CACNA1D: variants seen among roughly 807,000 people sequenced by gnomAD.
The protein encoded by CACNA1D is calcium voltage-gated channel subunit alpha1 D.
Under a neutral mutation model 257.1 loss-of-function variants are expected in CACNA1D, and 55 were observed. That is an observed-to-expected ratio of 0.21 (90% CI 0.17 to 0.27). The LOEUF is 0.27. Among genes scored for constraint, CACNA1D ranks in the 10% least tolerant of loss-of-function variants. The probability of loss-of-function intolerance (pLI) is 1.00; values close to 1 mark genes in which losing one functional copy is unlikely to be tolerated. For missense variants in CACNA1D, 1,876 were observed against 2,784.0 expected, an observed-to-expected ratio of 0.67 and a Z score of 7.34; for synonymous variants, 980 against 1,014.9, an observed-to-expected ratio of 0.97 and a Z score of 0.65.
At chr3:53,621,371 C>A (rs1237128592) in intron 3 of CACNA1D, among the ~76,000 whole-genome samples, 1 of 148,592 alleles carries the variant, frequency 6.7e-6, no homozygotes, top group African/African-American at 2.4e-5. Flanking sequence ...GTGTCCAGAG[C>A]CAGCCCTGGC....
chr3:53,715,010 G>T (rs1395698059), intron 9 of CACNA1D, among the ~76,000 whole-genome samples: 1 of 152,122 alleles, frequency 6.6e-6, no homozygotes, highest in Non-Finnish European at 1.5e-5. Context: ...TACCCACTGA[G>T]CCTGATCTTT....
At chr3:53,565,968 A>G (rs2092827436) in intron 3 of CACNA1D, among the ~76,000 whole-genome samples, 1 of 152,222 alleles carries the variant, frequency 6.6e-6, no homozygotes, top group Admixed American at 6.5e-5. Context: ...GCCCTCTCCC[A>G]TGACCCTTTC....
At chr3:53,522,956 A>G (rs1194078271) in intron 3 of CACNA1D, among the ~76,000 whole-genome samples, 1 of 151,566 alleles carries the variant, frequency 6.6e-6, no homozygotes, top group Non-Finnish European at 1.5e-5. Context: ...CTATTATTCT[A>G]CTCCCTGTCT....
intron 3 of CACNA1D, among the ~76,000 whole-genome samples, chr3:53,625,882 G>A (rs1450961601): frequency 1.3e-5 from 2 of 152,180 alleles, no homozygotes; most frequent in Admixed American, 6.5e-5. Context: ...AATGCAGAAA[G>A]GACCTGAAGA....
chr3:53,776,347 A>G (rs1464956817), intron 35 of CACNA1D, among the ~76,000 whole-genome samples: 1 of 152,224 alleles, frequency 6.6e-6, no homozygotes, highest in African/African-American at 2.4e-5. Flanking sequence ...AAGAGTGTGA[A>G]TTATTTGGTG....
chr3:53,727,026 T>C, intron 15 of CACNA1D, 27 bp downstream of exon 15: 1 of 1,613,898 alleles, frequency 6.2e-7, no homozygotes, highest in Non-Finnish European at 8.5e-7. Context: ...CCAGGCTTTG[T>C]TGTTGCCGTC....
intron 3 of CACNA1D, among the ~76,000 whole-genome samples, chr3:53,639,859 C>CTTTTTTTTTTT (rs34925431): frequency 9.8e-6 from 1 of 102,072 alleles, no homozygotes; most frequent in Non-Finnish European, 1.9e-5. Context: ...TCATTTCTTA[C>CTTTTTTTTTTT]TTTTTTTTTT....
intron 3 of CACNA1D, among the ~76,000 whole-genome samples, chr3:53,566,321 C>G (rs541706433): frequency 6.6e-6 from 1 of 152,288 alleles, no homozygotes; most frequent in African/African-American, 2.4e-5. Context: ...GCCAGGCACC[C>G]TTTCACCCCA....
At chr3:53,686,404 G>T (rs757473534) in intron 8 of CACNA1D, among the ~76,000 whole-genome samples, 1 of 151,980 alleles carries the variant, frequency 6.6e-6, no homozygotes, top group Non-Finnish European at 1.5e-5. Context: ...GACATAATAA[G>T]CACAGTGTCC....
At chr3:53,660,355 A>G in intron 5 of CACNA1D, 80 bp downstream of exon 5, 2 of 1,407,094 alleles carry the variant, frequency 1.4e-6, no homozygotes, top group Non-Finnish European at 1.0e-6. Context: ...TGGTGCTTTG[A>G]GGTGAGTTGC....
At chr3:53,783,362 A>G (rs372467759) in intron 39 of CACNA1D, among the ~76,000 whole-genome samples, 1 of 152,212 alleles carries the variant, frequency 6.6e-6, no homozygotes, top group Non-Finnish European at 1.5e-5. Context: ...TGAAAAGCTG[A>G]TCAACTTTTA....
At chr3:53,779,865 C>T (rs554198118) in intron 37 of CACNA1D, among the ~76,000 whole-genome samples, 161 bp from the exon 38 acceptor site, 34 of 152,140 alleles carry the variant, frequency 2.2e-4, no homozygotes, top group African/African-American at 8.2e-4. Context: ...CAACTTGACA[C>T]CTAAATTAAC....
chr3:53,552,686 C>T (rs2092559443), intron 3 of CACNA1D, among the ~76,000 whole-genome samples: 1 of 152,150 alleles, frequency 6.6e-6, no homozygotes, highest in Non-Finnish European at 1.5e-5. Context: ...TTTGATTTCT[C>T]CTGGTATCTT....
At chr3:53,720,688 C>T (rs2094873908) in intron 11 of CACNA1D, among the ~76,000 whole-genome samples, 1 of 152,190 alleles carries the variant, frequency 6.6e-6, no homozygotes, top group Non-Finnish European at 1.5e-5. Context: ...ATTAAAATCA[C>T]AGTTAGATAC....
At chr3:53,528,200 A>G (rs1021807390) in intron 3 of CACNA1D, among the ~76,000 whole-genome samples, 7 of 152,102 alleles carry the variant, frequency 4.6e-5, no homozygotes, top group African/African-American at 7.2e-5. Flanking sequence ...TTTCTTTTCT[A>G]TGGTATGAGG....
intron 3 of CACNA1D, among the ~76,000 whole-genome samples, chr3:53,555,764 C>T (rs1368724650): frequency 6.6e-6 from 1 of 152,014 alleles, no homozygotes; most frequent in African/African-American, 2.4e-5. Flanking sequence ...ATCTAGGGCT[C>T]CTTTCTCTGC....
chr3:53,759,732 A>G (rs773100307), intron 29 of CACNA1D, among the ~76,000 whole-genome samples: 2 of 152,240 alleles, frequency 1.3e-5, no homozygotes, highest in African/African-American at 2.4e-5. Context: ...TCCATTCGCA[A>G]CAAGAGCTGT....
intron 4 of CACNA1D, among the ~76,000 whole-genome samples, chr3:53,653,272 T>C (rs965877342): frequency 1.3e-5 from 2 of 151,258 alleles, no homozygotes; most frequent in African/African-American, 2.4e-5. Flanking sequence ...CAAACTGATA[T>C]GCTAACTGAA....
chr3:53,775,798 T>C (rs980951647), intron 34 of CACNA1D, 88 bp from the exon 35 acceptor site: 14 of 1,276,238 alleles, frequency 1.1e-5, no homozygotes, highest in Middle Eastern at 2.6e-4. Flanking sequence ...TAGGTTTTGC[T>C]CTAATTATGA....
Sources: allele counts gnomAD v4.1 joint callset (sites outside exome capture counted in the v4.1 genomes callset), GRCh38; gene constraint gnomAD v4.1.1; transcripts MANE v1.5; gene names NCBI Gene and HGNC (gene_info 2026-07-23, HGNC 2026-07-21).